Variants in ROBO2 observed in about 807,000 individuals in gnomAD.
ROBO2 encodes roundabout homolog 2.
ROBO2 carries 53 observed loss-of-function variants against 160.8 expected under a neutral mutation model. The observed-to-expected ratio is 0.33, with a 90% CI of 0.26 to 0.41. ROBO2 has a LOEUF of 0.41. Ranked by LOEUF, ROBO2 falls within the 10% of genes least tolerant of loss-of-function variation. ROBO2 has a pLI of 1.00. For missense variants in ROBO2, 1,577 were observed against 1,722.4 expected (o/e 0.92, Z 1.49); for synonymous variants, 664 against 611.7 (o/e 1.09, Z -1.26).
intron 2 of ROBO2, among the ~76,000 whole-genome samples, chr3:76,610,142 T>G (rs2109064000): frequency 6.6e-6 from 1 of 152,340 alleles, no homozygotes; most frequent in South Asian, 2.1e-4. Context: ...TCGATGTTCA[T>G]CAAGGATATT....
At chr3:77,474,256 T>G (rs1273922357) in intron 2 of ROBO2, among the ~76,000 whole-genome samples, 1 of 151,916 alleles carries the variant, frequency 6.6e-6, no homozygotes, top group Non-Finnish European at 1.5e-5. Flanking sequence ...AGAAACGGAG[T>G]ATATAAGCAT....
At chr3:77,434,375 G>A (rs377217880) in intron 2 of ROBO2, among the ~76,000 whole-genome samples, 1 of 152,186 alleles carries the variant, frequency 6.6e-6, no homozygotes, top group East Asian at 1.9e-4. Flanking sequence ...GTATGTAATT[G>A]TGTAAAATGT....
chr3:76,397,385 A>C (rs1449863648), intron 2 of ROBO2, among the ~76,000 whole-genome samples: 1 of 152,214 alleles, frequency 6.6e-6, no homozygotes, highest in East Asian at 1.9e-4. Context: ...AAGAAAACCT[A>C]GGCATTACCA....
chr3:76,435,617 G>C (rs1257281878), intron 2 of ROBO2, among the ~76,000 whole-genome samples: 1 of 152,144 alleles, frequency 6.6e-6, no homozygotes, highest in Non-Finnish European at 1.5e-5. Context: ...CAGGTCAGTT[G>C]ATCTTCTGCA....
At chr3:76,109,215 A>T (rs924980505) in intron 2 of ROBO2, among the ~76,000 whole-genome samples, 1 of 150,656 alleles carries the variant, frequency 6.6e-6, no homozygotes, top group African/African-American at 2.5e-5. Flanking sequence ...TTTTGTAATT[A>T]CATTTTCCCA....
intron 23 of ROBO2, chr3:77,633,765 G>T (rs993311117): frequency 6.6e-6 from 1 of 152,164 alleles, no homozygotes; most frequent in African/African-American, 2.4e-5. Flanking sequence ...AAAATACGTT[G>T]TAATAGAACT....
rs1381169798 is a variant in ROBO2, at chr3:76,778,118, G to A, written c.110-319896G>A. ...TGTAGTGTCAGGATGTGGCCATTAA[G>A]AAAGAAGTGGTGAGCCTCCCCTGCT... On this transcript the variant is annotated intron_variant, in intron 2 of 26. Coordinates refer to the ROBO2 transcript ENST00000487694. Among the ~76,000 whole-genome samples the A allele has an allele frequency of 2.0e-5, 3 of 151,014 alleles. No individual in the cohort carries two copies. The East Asian group carries it at 5.9e-4, about 30-fold the overall frequency.
intron 2 of ROBO2, among the ~76,000 whole-genome samples, chr3:76,357,993 A>G (rs1396764040): frequency 1.3e-5 from 2 of 151,670 alleles, no homozygotes; most frequent in Admixed American, 6.6e-5. Flanking sequence ...ATAATACTTT[A>G]TAGTTTATTT....
At chr3:77,291,169 A>C (rs1178337613) in intron 2 of ROBO2, among the ~76,000 whole-genome samples, 1 of 148,620 alleles carries the variant, frequency 6.7e-6, no homozygotes, top group Non-Finnish European at 1.5e-5. Context: ...TTGAGGCTAG[A>C]ACAGTAAAGA....
chr3:76,106,502 C>T lies in ROBO2; in HGVS notation c.109+168900C>T, dbSNP rs533207386. 6.6e-5 allele frequency among the ~76,000 whole-genome samples: 10 copies of T among 152,076 alleles called. No homozygotes were observed. In the South Asian group the frequency reaches 1.5e-3, roughly 22 times the overall value. ...ACTTGAATAGAACGTCTTGTCTTTC[C>T]CACTATTTTCATGACACTCATAGTT... On this transcript the variant is annotated intron_variant, in intron 2 of 26. Transcript: ENST00000487694.
intron 2 of ROBO2, among the ~76,000 whole-genome samples, chr3:76,653,694 A>G (rs1363663005): frequency 6.6e-6 from 1 of 152,100 alleles, no homozygotes; most frequent in East Asian, 1.9e-4. Flanking sequence ...TTCTCCCTTT[A>G]TATGTAAATT....
intron 2 of ROBO2, among the ~76,000 whole-genome samples, chr3:77,347,874 G>A (rs1417842783): frequency 6.6e-6 from 1 of 151,982 alleles, no homozygotes; most frequent in African/African-American, 2.4e-5. Flanking sequence ...CCAGCTCAGG[G>A]TTTTTAGACC....
chr3:76,112,640 T>A (rs2070285064), intron 2 of ROBO2, among the ~76,000 whole-genome samples: 1 of 152,100 alleles, frequency 6.6e-6, no homozygotes, highest in African/African-American at 2.4e-5. Flanking sequence ...CTGTAGACAA[T>A]GTTTTGGAGG....
exon 1 of ROBO2, chr3:77,040,054 CCCT>C: frequency 1.4e-5 from 2 of 143,266 alleles, no homozygotes; most frequent in Non-Finnish European, 3.1e-5. Flanking sequence ...CCCGGCCCCT[CCCT>C]CCCTCCCTCC....
rs200739806 is a variant in ROBO2 at position 77,099,074 on chromosome 3, T to TC, written c.388+734_388+735insC. On this transcript the variant is annotated intron_variant, in intron 2 of 25. Transcript: ENST00000461745. ...AAAATTGTACTTTTCTTTCTTTCTT[T>TC]TTTTTTTTTTTTTTTGAGACAGTGT... Among the ~76,000 whole-genome samples, 1,008 of 128,308 alleles carry TC rather than the reference T, an allele frequency of 7.9e-3. 6 individuals are homozygous for TC. The highest frequency in any genetic ancestry group is 0.029 in the African/African-American group (923 of 32,226). The allele number at this position is 128,308 out of a possible 152,430, so 84.2% of individuals were successfully genotyped here.
intron 2 of ROBO2, among the ~76,000 whole-genome samples, chr3:76,420,126 G>A (rs1387198099): frequency 6.6e-6 from 1 of 152,048 alleles, no homozygotes; most frequent in East Asian, 1.9e-4. Context: ...ATTCTATACT[G>A]TATCACCCAC....
At chr3:77,060,610 A>G (rs1298858150) in intron 1 of ROBO2, among the ~76,000 whole-genome samples, 31 of 152,164 alleles carry the variant, frequency 2.0e-4, no homozygotes, top group Admixed American at 2.0e-3. Flanking sequence ...TAGCAAATGC[A>G]GAGAGAGGCT....
chr3:77,100,391 C>T (rs1435500803), intron 2 of ROBO2, among the ~76,000 whole-genome samples: 5 of 152,088 alleles, frequency 3.3e-5, no homozygotes, highest in African/African-American at 4.8e-5. Flanking sequence ...TCTTTCCATT[C>T]GCTCATCAGT....
intron 2 of ROBO2, among the ~76,000 whole-genome samples, chr3:76,051,153 T>C (rs73841100): frequency 0.021 from 3,130 of 152,288 alleles, 43 homozygotes; most frequent in East Asian, 0.081. Context: ...AATTGACTTA[T>C]GCACTTATTT....
Sources: gnomAD v4.1 joint callset for allele counts (sites outside exome capture counted in the v4.1 genomes callset) on GRCh38, gnomAD v4.1.1 for gene constraint, MANE v1.5 for transcripts, NCBI Gene and HGNC (gene_info 2026-07-23, HGNC 2026-07-21) for gene names.